Variants in PLCE1 observed in about 807,000 individuals in gnomAD.
PLCE1 encodes phospholipase C epsilon 1.
A neutral mutation model predicts 242.8 loss-of-function variants in PLCE1; 119 were observed. That is an observed-to-expected ratio of 0.49 (90% CI 0.42 to 0.57). The LOEUF is 0.57. Among genes scored for constraint, PLCE1 ranks in the 20% least tolerant of loss-of-function variants. The probability of loss-of-function intolerance (pLI) is 0.00; values close to 1 mark genes in which losing one functional copy is unlikely to be tolerated. For missense variants in PLCE1, 2,441 were observed against 2,788.8 expected (o/e 0.88, Z 2.81); for synonymous variants, 945 against 1,017.4 (o/e 0.93, Z 1.35).
At chr10:94,227,874 G>C (rs1209963366) in intron 5 of PLCE1, among the ~76,000 whole-genome samples, 1 of 152,176 alleles carries the variant, frequency 6.6e-6, no homozygotes, top group Non-Finnish European at 1.5e-5. Context: ...GGCTAGCATT[G>C]ACAATAGGCC....
intron 2 of PLCE1, among the ~76,000 whole-genome samples, chr10:94,074,879 A>G (rs1303138262): frequency 6.6e-6 from 1 of 152,204 alleles, no homozygotes; most frequent in East Asian, 1.9e-4. Flanking sequence ...TAACTTGTAT[A>G]ATATTAAGTG....
rs1437816828 is a variant in PLCE1, at chr10:94,252,388, C to T, written c.3169C>T (p.Arg1057Ter). The change falls in exon 9 of 33, where the codon CGA becomes TGA. Residue 1057 changes from arginine to a stop codon, truncating the protein, a stop_gained. Coordinates refer to ENST00000371380, the MANE Select transcript of PLCE1 (RefSeq NM_016341.4). LOFTEE classifies it high-confidence loss of function. Reference sequence around the variant, plus strand: ...GTTTGGTGGCAGACGGTGGAGTGCTCGAAACCCCAGCCCCGGAACATCAGC... The same window carrying T: ...GTTTGGTGGCAGACGGTGGAGTGCTTGAAACCCCAGCCCCGGAACATCAGC... The part of the protein sequence containing the change: ...ELFGGRRWSA[R>*]NPSPGTSAKN... 4 of 1,613,990 alleles carry T rather than the reference C, an allele frequency of 2.5e-6. No homozygotes were observed. The highest frequency in any genetic ancestry group is 2.2e-5 in the South Asian group (2 of 91,062).
chr10:94,027,179 A>C (rs1448851742), intron 1 of PLCE1, among the ~76,000 whole-genome samples: 1 of 152,104 alleles, frequency 6.6e-6, no homozygotes, highest in East Asian at 1.9e-4. Context: ...TCTTCTTGTG[A>C]AGGAAACCCT....
Position 94,324,475 on chromosome 10 carries a change from C to A in PLCE1, c.6628C>A (p.Arg2210=). ...GACTACCACACCAAAGTCCTCTCAG[C>A]GGGTCCTTCTGGATCAGGAGTGTGT... The part of the protein sequence containing the change: ...KKTTTPKSSQ[R]VLLDQECVFQ... Residue 2210 remains arginine (R), a synonymous_variant, in exon 31 of 33, where the codon CGG becomes AGG. Transcript: ENST00000371380. The A allele has an allele frequency of 1.2e-6, 2 of 1,614,058 alleles. No homozygotes were observed. Among genetic ancestry groups the A allele is most frequent in the South Asian group, 2.2e-5 (2 of 91,076 alleles).
At chr10:94,201,562 G>A (rs754227564) in intron 4 of PLCE1, among the ~76,000 whole-genome samples, 4 of 152,116 alleles carry the variant, frequency 2.6e-5, no homozygotes, top group Non-Finnish European at 4.4e-5. Context: ...TGCAAGCTCC[G>A]CCTCCTGGGT....
chr10:94,050,361 G>A (rs1338761766), intron 2 of PLCE1, among the ~76,000 whole-genome samples: 1 of 152,130 alleles, frequency 6.6e-6, no homozygotes, highest in African/African-American at 2.4e-5. Context: ...CAGATCTTAT[G>A]AGAACTTATT....
rs957031223 is a variant in PLCE1 at position 93,994,182 on chromosome 10, C to T, written c.-441C>T. On this transcript the variant is annotated 5_prime_UTR_variant, in exon 1 of 33. Transcript: ENST00000371380. ...TAGCGGGGACACCCGACGCCGCTAG[C>T]GACAGGCGCGCGGACGGCTGGTCCC... 1.3e-5 allele frequency among the ~76,000 whole-genome samples: 2 copies of T among 152,178 alleles called. No individual in the cohort carries two copies. The highest frequency in any genetic ancestry group is 2.4e-5 in the African/African-American group (1 of 41,450).
intron 2 of PLCE1, among the ~76,000 whole-genome samples, chr10:94,112,143 A>G (rs186126340): frequency 1.3e-5 from 2 of 152,214 alleles, no homozygotes; most frequent in East Asian, 3.9e-4. Flanking sequence ...TGGCTAATTT[A>G]TTTTCCATCC....
chr10:94,306,402 A>T lies in PLCE1; in HGVS notation c.5623-25A>T. 6.2e-7 allele frequency: 1 copy of T among 1,613,902 alleles called. No individual in the cohort carries two copies. The highest frequency in any genetic ancestry group is 1.1e-5 in the South Asian group (1 of 91,070). On this transcript the variant is annotated intron_variant, in intron 25 of 32. Coordinates refer to ENST00000371380, the MANE Select transcript of PLCE1 (RefSeq NM_016341.4). This position sits in a 1 kb window ranked among gnomAD's most constrained non-coding sequence, Gnocchi z 5.7. The stretch of plus-strand genomic sequence containing the variant: ...TTCTTTTTTATCCTCGGTGACTTTG[A>T]TCCCTTTTGTCTCCCTCACCCTAGA...
rs2054140187 is a variant in PLCE1 at position 94,329,957 on chromosome 10, T to C, written c.*2014T>C. ...ACAGTTTTAAGTCAAATATTCATTC[T>C]AACAAATGCACAATGCTGCTCCATT... On this transcript the variant is annotated 3_prime_UTR_variant, in exon 33 of 33. Transcript: ENST00000371380. 1 of 152,180 alleles carries C rather than the reference T, an allele frequency of 6.6e-6. No homozygotes were observed. Among genetic ancestry groups the C allele is most frequent in the Non-Finnish European group, 1.5e-5 (1 of 68,032 alleles). The allele number at this position is 152,180 out of a possible 1,614,324, so 9.4% of individuals were successfully genotyped here.
At chr10:94,071,947 G>C (rs949480443) in intron 2 of PLCE1, among the ~76,000 whole-genome samples, 2 of 152,058 alleles carry the variant, frequency 1.3e-5, no homozygotes, top group African/African-American at 4.8e-5. Context: ...TTGAGGAGCT[G>C]AAAAACCCTG....
chr10:94,254,375 G>A, intron 10 of PLCE1, 68 bp downstream of exon 10: 8 of 1,081,594 alleles, frequency 7.4e-6, no homozygotes, highest in Non-Finnish European at 1.1e-5. Flanking sequence ...GTATACATTT[G>A]GTTTTAAATT....
At chr10:94,274,787 T>G (rs1458028432) in intron 19 of PLCE1, among the ~76,000 whole-genome samples, 2 of 152,170 alleles carry the variant, frequency 1.3e-5, no homozygotes, top group Non-Finnish European at 2.9e-5. Flanking sequence ...GATCTGCACT[T>G]CCAAATCTGC....
At chr10:94,291,730 C>A (rs113495518) in intron 22 of PLCE1, among the ~76,000 whole-genome samples, 3 of 152,214 alleles carry the variant, frequency 2.0e-5, no homozygotes, top group Admixed American at 6.5e-5. Context: ...TGGTGAAATG[C>A]CGTCTCTACT....
rs543192326 is a variant in PLCE1, at chr10:94,119,565, T to C, written c.1207-12609T>C. ...TCCCTTTGCTTAGAACATTTCCCCC[T>C]TTCTTACCCTTCCTCAACCTTGCCC... On this transcript the variant is annotated intron_variant, in intron 2 of 32. Transcript: ENST00000371380. Among the ~76,000 whole-genome samples the C allele has an allele frequency of 2.0e-5, 3 of 152,284 alleles. No individual in the cohort carries two copies. The East Asian group carries it at 5.8e-4, about 29-fold the overall frequency.
intron 2 of PLCE1, among the ~76,000 whole-genome samples, chr10:94,103,745 A>G (rs2045625708): frequency 6.6e-6 from 1 of 152,206 alleles, no homozygotes; most frequent in Non-Finnish European, 1.5e-5. Context: ...ATCCTTACCC[A>G]CACGGTGTGT....
At chr10:94,324,596 C>T (rs2053940351) in intron 31 of PLCE1, 29 bp downstream of exon 31, 2 of 1,521,552 alleles carry the variant, frequency 1.3e-6, no homozygotes, top group Admixed American at 1.7e-5. Flanking sequence ...TTGCTCTGTT[C>T]TTAAGTTATC....
In PLCE1 at chr10:94,197,873, C is replaced by T. The variant is rs1405146926; in HGVS notation, c.1809+26377C>T. The stretch of plus-strand genomic sequence containing the variant: ...TGGCGGGAGCCTGTCATTCCAGCTA[C>T]GTGGGAGGCTAAGGCAGGAGAATCA... On this transcript the variant is annotated intron_variant, in intron 4 of 32. Coordinates refer to ENST00000371380, the MANE Select transcript of PLCE1 (RefSeq NM_016341.4). 2.7e-5 allele frequency among the ~76,000 whole-genome samples: 4 copies of T among 147,368 alleles called. No homozygotes were observed. In the Admixed American group the frequency reaches 2.8e-4, roughly 10 times the overall value.
At chr10:94,312,119 A>T (rs1316848387) in intron 27 of PLCE1, among the ~76,000 whole-genome samples, 3 of 152,308 alleles carry the variant, frequency 2.0e-5, no homozygotes, top group South Asian at 4.1e-4. Context: ...TTTAATTAAT[A>T]ATATAGTGCA....
Sources: allele counts gnomAD v4.1 joint callset (sites outside exome capture counted in the v4.1 genomes callset), GRCh38; gene constraint gnomAD v4.1.1; non-coding constraint Gnocchi (gnomAD v3.1); transcripts MANE v1.5; gene names NCBI Gene and HGNC (gene_info 2026-07-23, HGNC 2026-07-21).